Variants in SPRY1 observed in about 807,000 individuals in gnomAD.
SPRY1 encodes the protein sprouty RTK signaling antagonist 1, also known as protein sprouty homolog 1.
A neutral mutation model predicts 22.6 loss-of-function variants in SPRY1; 20 were observed. That is an observed-to-expected ratio of 0.89 (90% confidence interval 0.62 to 1.29). The LOEUF is 1.29. Ranked by LOEUF, SPRY1 falls within the 50% of genes most tolerant of loss-of-function variation. SPRY1 has a pLI of 0.00. For missense variants in SPRY1, 446 were observed against 387.7 expected (o/e 1.15, Z -1.26); for synonymous variants, 155 against 144.7 (o/e 1.07, Z -0.51).
chr4:123,402,424 G>A lies in SPRY1; in HGVS notation c.833G>A (p.Gly278Glu). Residue 278 changes from glycine (G) to glutamate (E), a missense_variant, in exon 3 of 3, where the codon GGA becomes GAA. Physicochemically the swap from Gly to Glu is moderately conservative, Grantham distance 98. Transcript: ENST00000651917. ...TTACTCTGTTATCCTCCTGCTAAAG[G>A]ATGCCTGAAGCTGTGCAGGAGGTGT... ...PCLLCYPPAKGCLKLCRRCYD... is the reference protein window; with the variant it reads ...PCLLCYPPAKECLKLCRRCYD... The A allele has an allele frequency of 6.2e-7, 1 of 1,614,118 alleles. No homozygotes were observed. The highest frequency in any genetic ancestry group is 8.5e-7 in the Non-Finnish European group (1 of 1,180,028).
At chr4:123,398,343 T>C (rs1724997549) in intron 2 of SPRY1, 2 of 151,200 alleles carry the variant, frequency 1.3e-5, no homozygotes, top group Non-Finnish European at 3.0e-5. Flanking sequence ...CGGGGAGCGC[T>C]CCTGGCCGGT....
Position 123,402,197 on chromosome 4 carries a change from G to T in SPRY1, c.606G>T (p.Leu202Phe), listed in dbSNP as rs766105212. 2 of 1,614,104 alleles carry T rather than the reference G, an allele frequency of 1.2e-6. No individual in the cohort carries two copies. Among genetic ancestry groups the T allele is most frequent in the Admixed American group, 1.7e-5 (1 of 60,010 alleles). Residue 202 changes from leucine to phenylalanine, a missense_variant, in exon 3 of 3, where the codon TTG becomes TTT. Coordinates refer to ENST00000651917, the MANE Select transcript of SPRY1 (RefSeq NM_001258038.2). ...CTCCCAGGACCCTACCATCCTGTTT[G>T]GCCTGTAACCGGCAGTGCCTTTGCT... ...CTAPRTLPSC[L>F]ACNRQCLCSA...
rs774533854 is a variant in SPRY1 at position 123,401,611 on chromosome 4, A to G, written c.20A>G (p.His7Arg). 6 of 1,614,170 alleles carry G rather than the reference A, an allele frequency of 3.7e-6. No individual in the cohort carries two copies. In the Admixed American group the frequency reaches 5.0e-5, roughly 13 times the overall value. Residue 7 changes from histidine (H) to arginine (R), a missense_variant, in exon 3 of 3, where the codon CAT (histidine) becomes CGT (arginine). By Grantham distance (29) the His-to-Arg change is conservative. Coordinates refer to ENST00000651917, the MANE Select transcript of SPRY1 (RefSeq NM_001258038.2). MDPQNQ[H>R]GSGSSLVVIQ... ...CTACACATGGATCCCCAAAATCAAC[A>G]TGGCAGTGGCAGTTCGTTAGTTGTG...
chr4:123,399,506 C>G (rs1001285453), intron 2 of SPRY1: 1 of 152,316 alleles, frequency 6.6e-6, no homozygotes, highest in African/African-American at 2.4e-5. Flanking sequence ...CTTCTTCCGT[C>G]AACTATTTAT....
At chr4:123,399,510 T>G (rs1205966752) in intron 2 of SPRY1, 1 of 152,202 alleles carries the variant, frequency 6.6e-6, no homozygotes, top group Non-Finnish European at 1.5e-5. Flanking sequence ...TTCCGTCAAC[T>G]ATTTATTCAG....
chr4:123,398,339 G>A (rs1223022432), intron 2 of SPRY1: 2 of 151,494 alleles, frequency 1.3e-5, no homozygotes, highest in Non-Finnish European at 3.0e-5. Context: ...GCCGCGGGGA[G>A]CGCTCCTGGC....
rs775197149 is a variant in SPRY1, at chr4:123,401,792, A to G, written c.201A>G (p.Thr67=). The change falls in exon 3 of 3, where the codon ACA becomes ACG. Residue 67 remains threonine, a synonymous_variant. Transcript: ENST00000651917. The stretch of plus-strand genomic sequence containing the variant: ...TGGTGAAAAGACCTGCTCCTCGGAC[A>G]GCACCAAGACAAGAAAAGCATGAAA... ...PSVVKRPAPR[T]APRQEKHERT... is the part of the protein sequence containing the mutation. 6.2e-7 allele frequency: 1 copy of G among 1,614,264 alleles called. No homozygotes were observed. The highest frequency in any genetic ancestry group is 2.2e-5 in the East Asian group (1 of 44,892).
chr4:123,397,101 G>A (rs1305052076), intron 1 of SPRY1, among the ~76,000 whole-genome samples, 169 bp downstream of exon 1: 1 of 152,158 alleles, frequency 6.6e-6, no homozygotes, highest in Admixed American at 6.5e-5. Context: ...TGCTCTTAAA[G>A]TAAATGCTAC....
In SPRY1 at chr4:123,402,378, A is replaced by G. The variant is rs773382084; in HGVS notation, c.787A>G (p.Met263Val). The change falls in exon 3 of 3, where the codon ATG (methionine) becomes GTG (valine). Residue 263 changes from methionine to valine, a missense_variant. Coordinates refer to ENST00000651917, the MANE Select transcript of SPRY1 (RefSeq NM_001258038.2). ...CTCTAGATACCTGTGTATGGGAGCCATGTCTTTATTTTTACCTTGCTTACT... is the reference window on the plus strand; with the variant it reads ...CTCTAGATACCTGTGTATGGGAGCCGTGTCTTTATTTTTACCTTGCTTACT... The part of the protein sequence containing the change: ...CCSRYLCMGA[M>V]SLFLPCLLCY... 2.3e-5 allele frequency: 37 copies of G among 1,614,128 alleles called. No homozygotes were observed. The Middle Eastern group carries it at 4.9e-4, about 22-fold the overall frequency.
chr4:123,398,912 C>T (rs1198458361), intron 2 of SPRY1, among the ~76,000 whole-genome samples: 1 of 151,978 alleles, frequency 6.6e-6, no homozygotes, highest in Non-Finnish European at 1.5e-5. Flanking sequence ...GTGCCTCAAG[C>T]AGGGGGACGA....
At chr4:123,399,582 GCTT>G (rs1725064461) in intron 2 of SPRY1, 1 of 152,328 alleles carries the variant, frequency 6.6e-6, no homozygotes. Flanking sequence ...CCCTGCGCTG[GCTT>G]CTTTCTCCTC....
intron 2 of SPRY1, among the ~76,000 whole-genome samples, chr4:123,400,918 TAC>T (rs773279352): frequency 3.3e-5 from 5 of 152,220 alleles, no homozygotes; most frequent in African/African-American, 7.2e-5. Context: ...GTGTACCTGA[TAC>T]ATTTATTTTT....
rs772802512 is a variant in SPRY1, at chr4:123,401,778, C to T, written c.187C>T (p.Pro63Ser). The T allele has an allele frequency of 3.1e-6, 5 of 1,614,202 alleles. No homozygotes were observed. In the South Asian group the frequency reaches 5.5e-5, roughly 18 times the overall value. ...YTEGPSVVKR[P>S]APRTAPRQEK... Reference sequence around the variant, plus strand: ...AGAAGGGCCTTCGGTGGTGAAAAGACCTGCTCCTCGGACAGCACCAAGACA... The same window carrying T: ...AGAAGGGCCTTCGGTGGTGAAAAGATCTGCTCCTCGGACAGCACCAAGACA... The change falls in exon 3 of 3, where the codon CCT becomes TCT. Residue 63 changes from proline to serine, a missense_variant. Physicochemically the swap from Pro to Ser is moderately conservative, Grantham distance 74. Coordinates refer to ENST00000651917, the MANE Select transcript of SPRY1 (RefSeq NM_001258038.2).
chr4:123,399,951 A>T (rs954375099), intron 2 of SPRY1: 1 of 152,146 alleles, frequency 6.6e-6, no homozygotes, highest in Non-Finnish European at 1.5e-5. Flanking sequence ...TTTGTCTGGC[A>T]ACTTTATTTC....
At position 123,402,816 on chromosome 4, in the gene SPRY1, T is replaced by A. The variant is rs1725229623; in HGVS notation, c.*265T>A. ...GGTATTGAGAGCCAGTGGGCTTTTG[T>A]GTAGCCTTTTTGTTCTGCAAGCAAC... On this transcript the variant is annotated 3_prime_UTR_variant, in exon 3 of 3. Transcript: ENST00000651917. 1.9e-6 allele frequency: 1 copy of A among 533,510 alleles called. No individual in the cohort carries two copies. 33.0% of individuals were successfully genotyped at this position (533,510 alleles called of 1,614,324 possible).
At chr4:123,400,342 C>A (rs1446319307) in intron 2 of SPRY1, 1 of 152,226 alleles carries the variant, frequency 6.6e-6, no homozygotes, top group Non-Finnish European at 1.5e-5. Flanking sequence ...AAATGGACTT[C>A]TTTCTGCGTT....
intron 2 of SPRY1, 66 bp from the exon 3 acceptor site, chr4:123,401,471 C>T (rs970897106): frequency 4.1e-6 from 5 of 1,210,662 alleles, no homozygotes; most frequent in African/African-American, 3.4e-5. Context: ...ACAGGATTCC[C>T]CCCCCCCAAA....
intron 1 of SPRY1, 44 bp from the exon 2 acceptor site, chr4:123,397,567 G>A (rs1233106170): frequency 6.6e-6 from 1 of 152,176 alleles, no homozygotes; most frequent in East Asian, 1.9e-4. Flanking sequence ...GCCCTTCGAA[G>A]AAAGGGACAT....
chr4:123,401,678 T>C lies in SPRY1; in HGVS notation c.87T>C (p.Tyr29=). 3 of 1,614,088 alleles carry C rather than the reference T, an allele frequency of 1.9e-6. No homozygotes were observed. The highest frequency in any genetic ancestry group is 2.5e-6 in the Non-Finnish European group (3 of 1,180,018). The change falls in exon 3 of 3, where the codon TAT becomes TAC. Residue 29 remains tyrosine, a synonymous_variant. Transcript: ENST00000651917. The part of the protein sequence containing the change: ...PSLDSRQRLD[Y]EREIQPTAIL... ...TGGATAGCCGTCAGAGATTAGACTATGAGAGAGAGATTCAGCCTACTGCTA... is the reference window on the plus strand; with the variant it reads ...TGGATAGCCGTCAGAGATTAGACTACGAGAGAGAGATTCAGCCTACTGCTA...
Sources: allele counts gnomAD v4.1 joint callset (sites outside exome capture counted in the v4.1 genomes callset), GRCh38; gene constraint gnomAD v4.1.1; transcripts MANE v1.5; gene names NCBI Gene and HGNC (gene_info 2026-07-23, HGNC 2026-07-21).